The following ANKRD12 variants were observed in gnomAD, a reference collection of about 807,000 sequenced individuals.
ANKRD12 encodes the protein ankyrin repeat domain 12.
In ANKRD12, 85 loss-of-function variants were observed where a neutral mutation model predicts 183.4. The observed-to-expected ratio is 0.46, with a 90% CI of 0.39 to 0.56. The LOEUF is 0.56. Among genes scored for constraint, ANKRD12 ranks in the 20% least tolerant of loss-of-function variants. The pLI, the probability that ANKRD12 is intolerant of heterozygous loss-of-function variation, is 0.00. For missense variants in ANKRD12, 2,405 were observed against 2,357.1 expected, an observed-to-expected ratio of 1.02 and a Z score of -0.42; for synonymous variants, 914 against 800.2, an observed-to-expected ratio of 1.14 and a Z score of -2.40.
At chr18:9,149,108 C>T (rs751145591) in intron 1 of ANKRD12, among the ~76,000 whole-genome samples, 12 of 152,174 alleles carry the variant, frequency 7.9e-5, no homozygotes, top group Admixed American at 6.5e-4. Flanking sequence ...CCCCTACCTC[C>T]GTACGCATGC....
At chr18:9,267,401 C>T (rs947926796) in intron 10 of ANKRD12, among the ~76,000 whole-genome samples, 2 of 152,090 alleles carry the variant, frequency 1.3e-5, no homozygotes, top group Admixed American at 1.3e-4. Context: ...TGTGAAAGAA[C>T]AGAAATTATA....
rs556228007 is a variant in ANKRD12, at chr18:9,263,850, G to A, written c.5725G>A (p.Val1909Ile). 1.8e-5 allele frequency: 28 copies of A among 1,535,082 alleles called. No individual in the cohort carries two copies. The South Asian group carries it at 2.7e-4, about 15-fold the overall frequency. ...LKELFRQQEV[V>I]RMKLRLQHSI... is the part of the protein sequence containing the mutation. ...AGAGCTTTTTCGACAACAGGAAGTT[G>A]TAAGGATGAAACTACGTTTGCAACA... The change falls in exon 10 of 13, where the codon GTA (valine) becomes ATA (isoleucine). Residue 1909 changes from valine (V) to isoleucine (I), a missense_variant. Transcript: ENST00000262126.
At position 9,209,642 on chromosome 18, in the gene ANKRD12, TA is replaced by T. The variant is rs1469095256; in HGVS notation, c.451+844del. On this transcript the variant is annotated intron_variant, in intron 5 of 12. Transcript: ENST00000262126. ...AAAATGTTTTAGGGCTTCCTGCTTTTAAAAATAGAGTACGTTGTGGTTACTC... is the reference window on the plus strand; with the variant it reads ...AAAATGTTTTAGGGCTTCCTGCTTTTAAAATAGAGTACGTTGTGGTTACTC... 2.0e-5 allele frequency among the ~76,000 whole-genome samples: 3 copies of T among 152,172 alleles called. No homozygotes were observed. In the East Asian group the frequency reaches 5.8e-4, roughly 29 times the overall value.
intron 5 of ANKRD12, 29 bp from the exon 6 acceptor site, chr18:9,211,555 A>G: frequency 6.3e-7 from 1 of 1,588,410 alleles, no homozygotes; most frequent in Non-Finnish European, 8.6e-7. Context: ...TTAGCCTAGA[A>G]CTTCTGCTAA....
At position 9,256,878 on chromosome 18, in the gene ANKRD12, T is replaced by C. The variant is rs1343351874; in HGVS notation, c.3611T>C (p.Val1204Ala). ...AAGCCGGGTCTCAGCTCCAGATCTG[T>C]ATCCATGATTTCTGTTGCTAGTTCA... ...NEKPGLSSRS[V>A]SMISVASSED... Residue 1204 changes from valine to alanine, a missense_variant, in exon 9 of 13, where the codon GTA (valine) becomes GCA (alanine). Physicochemically the swap from Val to Ala is moderately conservative, Grantham distance 64 (BLOSUM62 0). Coordinates refer to ENST00000262126, the MANE Select transcript of ANKRD12 (RefSeq NM_015208.5). 6.2e-7 allele frequency: 1 copy of C among 1,613,978 alleles called. No homozygotes were observed. Among genetic ancestry groups the C allele is most frequent in the East Asian group, 2.2e-5 (1 of 44,888 alleles).
At chr18:9,189,944 C>T (rs2034347333) in intron 2 of ANKRD12, among the ~76,000 whole-genome samples, 1 of 152,148 alleles carries the variant, frequency 6.6e-6, no homozygotes, top group Non-Finnish European at 1.5e-5. Flanking sequence ...ACTTTTTAAA[C>T]AAGTCTTATT....
At chr18:9,230,442 A>C (rs1401294106) in intron 8 of ANKRD12, among the ~76,000 whole-genome samples, 2 of 151,450 alleles carry the variant, frequency 1.3e-5, no homozygotes, top group African/African-American at 4.9e-5. Context: ...CATTTTTTTA[A>C]GTCTCTGTAT....
intron 10 of ANKRD12, among the ~76,000 whole-genome samples, chr18:9,265,419 G>A (rs1454524323): frequency 3.3e-5 from 5 of 151,984 alleles, no homozygotes; most frequent in Non-Finnish European, 7.3e-5. Flanking sequence ...GTACTCCTCT[G>A]AGACAAAACT....
intron 1 of ANKRD12, among the ~76,000 whole-genome samples, chr18:9,172,038 A>AAG (rs2032787855): frequency 6.6e-6 from 1 of 151,528 alleles, no homozygotes; most frequent in African/African-American, 2.4e-5. Context: ...AAAAAAAAAA[A>AAG]AACGAATGTT....
chr18:9,216,896 G>C lies in ANKRD12; in HGVS notation c.791G>C (p.Arg264Thr). 6.2e-7 allele frequency: 1 copy of C among 1,611,674 alleles called. No homozygotes were observed. Among genetic ancestry groups the C allele is most frequent in the African/African-American group, 1.3e-5 (1 of 74,946 alleles). The change falls in exon 7 of 13, where the codon AGA becomes ACA. Residue 264 changes from arginine (R) to threonine (T), a missense_variant. Transcript: ENST00000262126. ...PLHDSASSGH[R>T]DIVKLLLRHG... ...CATGATTCTGCTAGTAGTGGGCACA[G>C]AGATGTAAGTATGATAGAAAAAAAT...
At chr18:9,184,126 A>G (rs909975288) in intron 2 of ANKRD12, among the ~76,000 whole-genome samples, 2 of 152,200 alleles carry the variant, frequency 1.3e-5, no homozygotes, top group Non-Finnish European at 2.9e-5. Flanking sequence ...CATCGATTAC[A>G]TCTAGATATG....
chr18:9,237,392 A>C (rs1035089544), intron 8 of ANKRD12, among the ~76,000 whole-genome samples: 1 of 152,226 alleles, frequency 6.6e-6, no homozygotes, highest in Admixed American at 6.5e-5. Flanking sequence ...TTACCATCAC[A>C]AAAATGCTCT....
At chr18:9,195,855 C>G (rs941443815) in intron 3 of ANKRD12, among the ~76,000 whole-genome samples, 157 bp downstream of exon 3, 1 of 152,104 alleles carries the variant, frequency 6.6e-6, no homozygotes, top group Non-Finnish European at 1.5e-5. Flanking sequence ...TTCCATCTAT[C>G]ATGCCAAGTG....
At chr18:9,241,361 C>T (rs1437201828) in intron 8 of ANKRD12, among the ~76,000 whole-genome samples, 1 of 151,850 alleles carries the variant, frequency 6.6e-6, no homozygotes, top group African/African-American at 2.4e-5. Flanking sequence ...TATTTTTGTC[C>T]TTTTTAAATG....
chr18:9,280,581 G>C lies in ANKRD12; in HGVS notation c.6004-360G>C, dbSNP rs567638883. Among the ~76,000 whole-genome samples, 3 of 152,276 alleles carry C rather than the reference G, an allele frequency of 2.0e-5. No individual in the cohort carries two copies. The East Asian group carries it at 5.8e-4, about 29-fold the overall frequency. Reference sequence around the variant, plus strand: ...ACGTGAGCAGATCACCTGAGGTCAGGAGTTCAAAACCAGCCCGGCCGACAT... The same window carrying C: ...ACGTGAGCAGATCACCTGAGGTCAGCAGTTCAAAACCAGCCCGGCCGACAT... On this transcript the variant is annotated intron_variant, in intron 12 of 12. Transcript: ENST00000262126.
At chr18:9,157,603 A>ATATATATATATGT (rs1356730824) in intron 1 of ANKRD12, among the ~76,000 whole-genome samples, 1 of 84,642 alleles carries the variant, frequency 1.2e-5, no homozygotes, top group Non-Finnish European at 2.3e-5. Context: ...ATATATATGT[A>ATATATATATATGT]TTTTTTTTTT....
At chr18:9,231,136 C>T (rs1158815256) in intron 8 of ANKRD12, among the ~76,000 whole-genome samples, 1 of 152,136 alleles carries the variant, frequency 6.6e-6, no homozygotes, top group Non-Finnish European at 1.5e-5. Flanking sequence ...ACTGTGATTT[C>T]AAGTTTTAAA....
chr18:9,266,648 G>A (rs2039306464), intron 10 of ANKRD12, among the ~76,000 whole-genome samples: 2 of 152,158 alleles, frequency 1.3e-5, no homozygotes, highest in South Asian at 4.1e-4. Flanking sequence ...ACCGGTACCA[G>A]CCACTGCAAA....
chr18:9,151,226 A>T (rs950295308), intron 1 of ANKRD12, among the ~76,000 whole-genome samples: 3 of 152,192 alleles, frequency 2.0e-5, no homozygotes, highest in Admixed American at 6.5e-5. Flanking sequence ...ATTTTTTTCA[A>T]AACCACTTTA....
Sources: gnomAD v4.1 joint callset for allele counts (sites outside exome capture counted in the v4.1 genomes callset) on GRCh38, gnomAD v4.1.1 for gene constraint, MANE v1.5 for transcripts, NCBI Gene and HGNC (gene_info 2026-07-23, HGNC 2026-07-21) for gene names.